Variants in AKAP19 observed in about 807,000 individuals in gnomAD.
The protein encoded by AKAP19 is small A-kinase anchoring protein.
the AKAP19 span, among the ~76,000 whole-genome samples, chr2:189,986,220 T>A: frequency 6.6e-6 from 1 of 152,130 alleles, no homozygotes; most frequent in Admixed American, 6.5e-5. Flanking sequence ...AAAGTTCTAA[T>A]CAATGTGAGT....
At chr2:190,080,074 C>T in the AKAP19 span, 12 of 152,116 alleles carry the variant, frequency 7.9e-5, no homozygotes, top group African/African-American at 2.9e-4. Context: ...TGCTGATTCT[C>T]ACAGCTGGTC....
chr2:190,042,693 A>G, the AKAP19 span, among the ~76,000 whole-genome samples: 1 of 152,196 alleles, frequency 6.6e-6, no homozygotes, highest in Admixed American at 6.5e-5. Flanking sequence ...ACAAGTGCTC[A>G]ATTAATAGTG....
chr2:189,971,986 A>C, the AKAP19 span, among the ~76,000 whole-genome samples: 1 of 152,014 alleles, frequency 6.6e-6, no homozygotes, highest in Non-Finnish European at 1.5e-5. Flanking sequence ...CTTTAGTTTA[A>C]TTAGATCCCA....
At chr2:190,062,492 T>C in the AKAP19 span, 1 of 1,613,534 alleles carries the variant, frequency 6.2e-7, no homozygotes, top group Non-Finnish European at 8.5e-7. Context: ...ACAGCCCCTC[T>C]TTTTCCACAT....
the AKAP19 span, among the ~76,000 whole-genome samples, chr2:190,079,762 G>T: frequency 6.6e-6 from 1 of 152,042 alleles, no homozygotes; most frequent in Admixed American, 6.6e-5. Flanking sequence ...AGTGAGCCGA[G>T]ATTGGGCCAC....
At chr2:189,970,783 A>G in the AKAP19 span, among the ~76,000 whole-genome samples, 4 of 152,226 alleles carry the variant, frequency 2.6e-5, no homozygotes, top group African/African-American at 9.7e-5. Flanking sequence ...CAGTATTTGT[A>G]GCAATTTCCA....
At chr2:189,890,697 CTT>C in the AKAP19 span, among the ~76,000 whole-genome samples, 1 of 151,908 alleles carries the variant, frequency 6.6e-6, no homozygotes, top group African/African-American at 2.4e-5. Context: ...TTTTAAAAAT[CTT>C]TGTTAGTTGA....
chr2:190,199,567 T>TAAAAA, the AKAP19 span: 1 of 373,448 alleles, frequency 2.7e-6, no homozygotes, highest in South Asian at 7.6e-5. Flanking sequence ...ACTGATAAGA[T>TAAAAA]AAAGCTGTTT....
chr2:189,928,124 G>A, the AKAP19 span, among the ~76,000 whole-genome samples: 1 of 152,228 alleles, frequency 6.6e-6, no homozygotes, highest in Admixed American at 6.5e-5. Flanking sequence ...CATTTTTCAA[G>A]AGTTACAGGC....
At chr2:190,111,796 TA>T in the AKAP19 span, among the ~76,000 whole-genome samples, 1 of 152,174 alleles carries the variant, frequency 6.6e-6, no homozygotes, top group Admixed American at 6.5e-5. Context: ...ACACAAAACC[TA>T]AAAACAATTG....
the AKAP19 span, among the ~76,000 whole-genome samples, chr2:190,000,141 G>A: frequency 2.0e-5 from 3 of 152,142 alleles, no homozygotes; most frequent in African/African-American, 7.2e-5. Context: ...GCCATTGGAT[G>A]ACTAAATTAT....
chr2:190,199,411 G>A, the AKAP19 span, among the ~76,000 whole-genome samples: 1 of 143,932 alleles, frequency 6.9e-6, no homozygotes, highest in Non-Finnish European at 1.5e-5. Context: ...ATCTAAGCTA[G>A]CAAAAATTGA....
chr2:189,927,863 G>C, the AKAP19 span, among the ~76,000 whole-genome samples: 3 of 152,144 alleles, frequency 2.0e-5, no homozygotes, highest in African/African-American at 4.8e-5. Context: ...GCACTCAGCA[G>C]TCCAGTGGTT....
chr2:190,153,097 G>A, the AKAP19 span, among the ~76,000 whole-genome samples: 12 of 152,182 alleles, frequency 7.9e-5, no homozygotes, highest in Non-Finnish European at 1.0e-4. Context: ...GGGTTTCACC[G>A]TGTTAGCTAG....
chr2:189,950,717 A>G, the AKAP19 span, among the ~76,000 whole-genome samples: 1 of 152,218 alleles, frequency 6.6e-6, no homozygotes, highest in Non-Finnish European at 1.5e-5. Context: ...CTATGTATAT[A>G]AATACATAGA....
At chr2:190,132,314 A>G in the AKAP19 span, among the ~76,000 whole-genome samples, 1 of 152,210 alleles carries the variant, frequency 6.6e-6, no homozygotes, top group Non-Finnish European at 1.5e-5. Flanking sequence ...GTATGGAACC[A>G]CAAGAGACCC....
the AKAP19 span, among the ~76,000 whole-genome samples, chr2:190,041,529 C>G: frequency 3.3e-5 from 5 of 152,242 alleles, no homozygotes; most frequent in Admixed American, 2.0e-4. Context: ...TGCGTGATTG[C>G]TCTGGCTAGG....
At chr2:190,072,763 CA>C in the AKAP19 span, among the ~76,000 whole-genome samples, 5 of 152,016 alleles carry the variant, frequency 3.3e-5, no homozygotes, top group African/African-American at 9.7e-5. Context: ...ACTTTTGGTA[CA>C]AAGAGGAAAC....
chr2:190,163,448 C>CAAAAAAAA, the AKAP19 span, among the ~76,000 whole-genome samples: 1 of 127,416 alleles, frequency 7.8e-6, no homozygotes, highest in African/African-American at 2.9e-5. Context: ...AAACAAAAAA[C>CAAAAAAAA]AAAAAACAAA....
Sources: gnomAD v4.1 joint callset for allele counts (sites outside exome capture counted in the v4.1 genomes callset) on GRCh38, gnomAD v4.1.1 for gene constraint, MANE v1.5 for transcripts, NCBI Gene and HGNC (gene_info 2026-07-23, HGNC 2026-07-21) for gene names.